STK33: variants seen among roughly 807,000 people sequenced by gnomAD.
STK33 encodes serine/threonine kinase 33.
Under a neutral mutation model 58.0 loss-of-function variants are expected in STK33, and 52 were observed. That is an observed-to-expected ratio of 0.90 (90% CI 0.72 to 1.13). STK33 has a LOEUF of 1.13. Among genes scored for constraint, STK33 ranks in the 50% most tolerant of loss-of-function variants. The pLI is 0.00. For synonymous variants in STK33, 215 were observed against 200.1 expected (o/e 1.07, Z -0.63); for missense variants, 630 against 604.2 (o/e 1.04, Z -0.45).
chr11:8,534,606 G>A (rs1954845055), intron 1 of STK33, among the ~76,000 whole-genome samples: 1 of 136,648 alleles, frequency 7.3e-6, no homozygotes, highest in African/African-American at 2.8e-5. Context: ...GTGTGTCAAG[G>A]TAAATTTTTT....
intron 8 of STK33, 68 bp from the exon 9 acceptor site, chr11:8,457,547 A>G: frequency 7.7e-7 from 1 of 1,294,178 alleles, no homozygotes; most frequent in Non-Finnish European, 1.1e-6. Flanking sequence ...AATGTTATAT[A>G]TCACATATAC....
chr11:8,339,151 A>G, the STK33 span, among the ~76,000 whole-genome samples: 6 of 152,196 alleles, frequency 3.9e-5, no homozygotes, highest in African/African-American at 1.4e-4. Flanking sequence ...AAGACAAAAA[A>G]AATTCCTCAA....
At chr11:8,593,744 C>T (rs1232731914) in intron 1 of STK33, 1 of 152,270 alleles carries the variant, frequency 6.6e-6, no homozygotes. Flanking sequence ...ACACACTTAC[C>T]CCACAGTAAG....
At position 8,415,937 on chromosome 11, in the gene STK33, T is replaced by C. The variant is rs58937641; in HGVS notation, c.1147-2245A>G. Among the ~76,000 whole-genome samples, 1,224 of 152,286 alleles carry C rather than the reference T, an allele frequency of 8.0e-3. 26 individuals are homozygous for C. Among genetic ancestry groups the C allele is most frequent in the African/African-American group, 0.027 (1,133 of 41,564 alleles). Reference sequence around the variant, plus strand: ...ACATGGTATATGAACTATAACTGCATAAAGTTCAAACTGCACTGCTAGCTC... The same window carrying C: ...ACATGGTATATGAACTATAACTGCACAAAGTTCAAACTGCACTGCTAGCTC... On this transcript the variant is annotated intron_variant, in intron 14 of 15. Transcript: ENST00000687296.
At chr11:8,448,793 T>C (rs915891548) in intron 11 of STK33, among the ~76,000 whole-genome samples, 35 of 152,056 alleles carry the variant, frequency 2.3e-4, no homozygotes, top group Non-Finnish European at 2.8e-4. Context: ...GGGACCTAAT[T>C]AAACAAAAGA....
At chr11:8,457,160 A>G (rs1413098890) in intron 9 of STK33, among the ~76,000 whole-genome samples, 181 bp downstream of exon 9, 1 of 152,028 alleles carries the variant, frequency 6.6e-6, no homozygotes, top group Non-Finnish European at 1.5e-5. Flanking sequence ...ATCTTCGTTC[A>G]TATTTCTAAT....
At chr11:8,494,732 G>A (rs1329381552) in intron 1 of STK33, among the ~76,000 whole-genome samples, 1 of 152,122 alleles carries the variant, frequency 6.6e-6, no homozygotes, top group African/African-American at 2.4e-5. Context: ...GCCTGGTACT[G>A]GTACCAAAAC....
At chr11:8,370,052 C>T in the STK33 span, among the ~76,000 whole-genome samples, 2,306 of 152,308 alleles carry the variant, frequency 0.015, 58 homozygotes, top group African/African-American at 0.052. Flanking sequence ...TCCAGCTACA[C>T]CAATGAAGGC....
At chr11:8,503,788 T>C (rs1951684088) in intron 1 of STK33, among the ~76,000 whole-genome samples, 1 of 152,182 alleles carries the variant, frequency 6.6e-6, no homozygotes, top group Admixed American at 6.6e-5. Context: ...CAGCCTCTTA[T>C]TATGATGATT....
intron 1 of STK33, among the ~76,000 whole-genome samples, chr11:8,489,652 T>C (rs998894773): frequency 2.6e-5 from 4 of 152,212 alleles, no homozygotes; most frequent in African/African-American, 7.2e-5. Context: ...AGAGCTCTTA[T>C]GACCTAATCA....
chr11:8,383,005 T>C, the STK33 span, among the ~76,000 whole-genome samples: 1 of 152,152 alleles, frequency 6.6e-6, no homozygotes, highest in Admixed American at 6.5e-5. Context: ...CAGGGACACA[T>C]TGTCATTAAA....
chr11:8,436,359 G>A (rs182094168), intron 12 of STK33, among the ~76,000 whole-genome samples: 369 of 152,228 alleles, frequency 2.4e-3, no homozygotes, highest in Non-Finnish European at 4.5e-3. Context: ...TCTGGTAAAG[G>A]AAGTATGCAA....
chr11:8,489,510 G>A (rs572212878), intron 1 of STK33, among the ~76,000 whole-genome samples: 3 of 152,274 alleles, frequency 2.0e-5, no homozygotes, highest in East Asian at 1.9e-4. Context: ...TCATCTCATG[G>A]TGGAAGGCAT....
rs1434782294 is a variant in STK33 at position 8,499,023 on chromosome 11, C to A, written c.-465-18409G>T. On this transcript the variant is annotated intron_variant, in intron 1 of 15. Coordinates refer to ENST00000687296, the MANE Select transcript of STK33 (RefSeq NM_001352389.2). The stretch of plus-strand genomic sequence containing the variant: ...ATACCATTCAGGACATAGGCACGGG[C>A]AAAGAATTCATGACTAAAACACCAA... Among the ~76,000 whole-genome samples, 4 of 152,108 alleles carry A rather than the reference C, an allele frequency of 2.6e-5. No individual in the cohort carries two copies. In the East Asian group the frequency reaches 7.7e-4, roughly 29 times the overall value.
intron 1 of STK33, among the ~76,000 whole-genome samples, chr11:8,525,599 C>T (rs1195711621): frequency 2.0e-5 from 3 of 152,022 alleles, no homozygotes; most frequent in Non-Finnish European, 4.4e-5. Flanking sequence ...TAATTTCAGG[C>T]GGATTATAAA....
At position 8,392,709 on chromosome 11, in the gene STK33, G is replaced by A; in HGVS notation, c.1346C>T (p.Ser449Phe). The stretch of plus-strand genomic sequence containing the variant: ...AGGAAATTGCTTTTCATAAGCAGTA[G>A]ACTGCAAATAAAAGGTCTTGATTAA... ...YTSDEEEEKQ[S>F]TAYEKQFPAT... The change falls in exon 16 of 16, where the codon TCT becomes TTT. Residue 449 changes from serine (S) to phenylalanine (F), a missense_variant and splice_region_variant. Ser to Phe is a radical substitution (Grantham distance 155). Coordinates refer to ENST00000687296, the MANE Select transcript of STK33 (RefSeq NM_001352389.2). The A allele has an allele frequency of 6.2e-7, 1 of 1,614,034 alleles. No homozygotes were observed. Among genetic ancestry groups the A allele is most frequent in the Non-Finnish European group, 8.5e-7 (1 of 1,179,950 alleles).
intron 2 of STK33, among the ~76,000 whole-genome samples, chr11:8,478,492 T>A (rs1389679114): frequency 1.3e-5 from 2 of 152,172 alleles, no homozygotes; most frequent in East Asian, 1.9e-4. Flanking sequence ...CTAAGGCAAG[T>A]CAATAAAACA....
At chr11:8,553,201 GTATATATA>G (rs60137762) in intron 1 of STK33, among the ~76,000 whole-genome samples, 1 of 61,134 alleles carries the variant, frequency 1.6e-5, no homozygotes, top group Non-Finnish European at 2.9e-5. Flanking sequence ...TATATATGGT[GTATATATA>G]TATATATATA....
intron 6 of STK33, chr11:8,465,068 G>A: frequency 7.6e-5 from 21 of 275,574 alleles, no homozygotes; most frequent in South Asian, 1.9e-4. Context: ...GGTGAAATGT[G>A]GAAAAACTCA....
Sources: gnomAD v4.1 joint callset for allele counts (sites outside exome capture counted in the v4.1 genomes callset) on GRCh38, gnomAD v4.1.1 for gene constraint, MANE v1.5 for transcripts, NCBI Gene and HGNC (gene_info 2026-07-23, HGNC 2026-07-21) for gene names.